The following SLMAP variants were observed in gnomAD, a reference collection of about 807,000 sequenced individuals.
The protein encoded by SLMAP is sarcolemma associated protein, also known as sarcolemmal membrane-associated protein.
SLMAP carries 44 observed loss-of-function variants against 128.8 expected under a neutral mutation model. The observed-to-expected ratio is 0.34, with a 90% CI of 0.27 to 0.44. The LOEUF (loss-of-function observed/expected upper bound fraction) is 0.44. SLMAP is among the 20% of genes least tolerant of loss of function. The pLI is 1.00. For synonymous variants in SLMAP, 327 were observed against 348.8 expected (o/e 0.94, Z 0.70); for missense variants, 787 against 985.3 (o/e 0.80, Z 2.69).
intron 4 of SLMAP, among the ~76,000 whole-genome samples, chr3:57,846,544 A>G (rs911338071): frequency 6.6e-6 from 1 of 151,836 alleles, no homozygotes; most frequent in African/African-American, 2.4e-5. Flanking sequence ...TTCAAAATTG[A>G]AAATGGATAA....
intron 17 of SLMAP, chr3:57,899,881 C>A (rs1172525701): frequency 6.6e-6 from 1 of 151,964 alleles, no homozygotes; most frequent in East Asian, 1.9e-4. Flanking sequence ...TTATCATAGC[C>A]CTTTATGGTC....
At chr3:57,817,826 G>T (rs1365457592) in intron 2 of SLMAP, among the ~76,000 whole-genome samples, 2 of 152,190 alleles carry the variant, frequency 1.3e-5, no homozygotes, top group African/African-American at 4.8e-5. Flanking sequence ...GTGGTAGCAG[G>T]TAGTGAATGA....
intron 2 of SLMAP, among the ~76,000 whole-genome samples, chr3:57,818,773 A>G (rs548683093): frequency 2.5e-4 from 38 of 152,376 alleles, no homozygotes; most frequent in African/African-American, 9.1e-4. Context: ...TCATACTTTC[A>G]TAAGCTTTGG....
At position 57,757,572 on chromosome 3, in the gene SLMAP, A is replaced by G. The variant is rs2077830254; in HGVS notation, c.-80A>G. ...TTAAAATTTTGGGTGGGATAGGGGC[A>G]TAGGCTTGTGAAGGGCAGTCCGGAT... On this transcript the variant is annotated 5_prime_UTR_variant, in exon 2 of 25. Transcript: ENST00000671191. 3 of 1,384,336 alleles carry G rather than the reference A, an allele frequency of 2.2e-6. No homozygotes were observed. Among genetic ancestry groups the G allele is most frequent in the African/African-American group, 1.4e-5 (1 of 69,924 alleles). The allele number at this position is 1,384,336 out of a possible 1,614,324, so 85.8% of individuals were successfully genotyped here. A position where few individuals can be genotyped will look rare whatever the true frequency, so the allele number is the denominator to read the frequency against.
intron 16 of SLMAP, 98 bp downstream of exon 16, chr3:57,896,689 A>G (rs550573138): frequency 2.3e-5 from 26 of 1,113,864 alleles, no homozygotes; most frequent in South Asian, 1.3e-4. Flanking sequence ...GTGTTTGGGG[A>G]AAAAAAAAAC....
intron 2 of SLMAP, among the ~76,000 whole-genome samples, chr3:57,778,262 T>C (rs1559950737): frequency 1.3e-5 from 2 of 152,122 alleles, no homozygotes; most frequent in Non-Finnish European, 1.5e-5. Flanking sequence ...GTTCTTGACT[T>C]TATTATAAAA....
chr3:57,864,201 C>T (rs944627378), intron 10 of SLMAP, among the ~76,000 whole-genome samples: 1 of 151,976 alleles, frequency 6.6e-6, no homozygotes, highest in South Asian at 2.1e-4. Flanking sequence ...TGAGGTCAGG[C>T]GTTCGAGACC....
At chr3:57,801,027 T>C (rs2153492592) in intron 2 of SLMAP, 1 of 237,820 alleles carries the variant, frequency 4.2e-6, no homozygotes, top group Non-Finnish European at 8.4e-6. Flanking sequence ...TCTACAAGAA[T>C]TTCTGGGACA....
At chr3:57,843,305 C>CTTTTTTTTTTTTTTTTTTTT in intron 4 of SLMAP, among the ~76,000 whole-genome samples, 14 of 92,110 alleles carry the variant, frequency 1.5e-4, no homozygotes, top group Non-Finnish European at 2.0e-4. Context: ...CTTTCTTTTC[C>CTTTTTTTTTTTTTTTTTTTT]TTTTTTTTTT....
At chr3:57,898,935 G>A (rs2096303213) in intron 17 of SLMAP, 1 of 152,158 alleles carries the variant, frequency 6.6e-6, no homozygotes, top group South Asian at 2.1e-4. Context: ...ATGAAAGGGT[G>A]TGCATGGACC....
rs1225210576 is a variant in SLMAP, at chr3:57,907,873, G to A, written c.1502-11G>A. On this transcript the variant is annotated splice_polypyrimidine_tract_variant and intron_variant, in intron 17 of 24. Transcript: ENST00000671191. ...TAACTCTTGCTTTTAAAATAAACAT[G>A]TTTTTGTCAGATGACTTGCAGGGTG... 6.2e-7 allele frequency: 1 copy of A among 1,611,854 alleles called. No individual in the cohort carries two copies. Among genetic ancestry groups the A allele is most frequent in the African/African-American group, 1.3e-5 (1 of 74,846 alleles).
chr3:57,927,140 C>CT (rs910704507), intron 24 of SLMAP, among the ~76,000 whole-genome samples, 156 bp from the exon 25 acceptor site: 7 of 144,970 alleles, frequency 4.8e-5, no homozygotes, highest in Non-Finnish European at 7.6e-5. Context: ...CACTCCCTCA[C>CT]TTTTTTTTTT....
At position 57,838,458 on chromosome 3, in the gene SLMAP, T is replaced by A. The variant is rs932286678; in HGVS notation, c.347-2841T>A. ...CTAAGCAGGCATGTTCCTCAACATC[T>A]TCAGTAAAATGCTTTCTGTACCAGA... On this transcript the variant is annotated intron_variant, in intron 3 of 24. Transcript: ENST00000671191. Among the ~76,000 whole-genome samples, 4 of 152,234 alleles carry A rather than the reference T, an allele frequency of 2.6e-5. No homozygotes were observed. In the East Asian group the frequency reaches 7.7e-4, roughly 29 times the overall value.
intron 3 of SLMAP, among the ~76,000 whole-genome samples, chr3:57,834,685 C>A (rs764371448): frequency 9.2e-5 from 14 of 151,884 alleles, no homozygotes; most frequent in Non-Finnish European, 1.8e-4. Context: ...TTAAGTAATT[C>A]CAAACATAAA....
At chr3:57,905,384 C>T (rs1215319326) in intron 17 of SLMAP, among the ~76,000 whole-genome samples, 2 of 151,974 alleles carry the variant, frequency 1.3e-5, no homozygotes, top group Non-Finnish European at 2.9e-5. Context: ...TGGGTTCAAG[C>T]GATTCTCCTG....
chr3:57,861,391 C>T (rs1439328146), intron 9 of SLMAP, among the ~76,000 whole-genome samples: 1 of 152,088 alleles, frequency 6.6e-6, no homozygotes, highest in African/African-American at 2.4e-5. Context: ...TGAACCACTG[C>T]AAAATTACCA....
chr3:57,907,975 A>G lies in SLMAP; in HGVS notation c.1593A>G (p.Arg531=). The G allele has an allele frequency of 6.2e-7, 1 of 1,613,922 alleles. No homozygotes were observed. The highest frequency in any genetic ancestry group is 8.5e-7 in the Non-Finnish European group (1 of 1,179,858). Residue 531 remains arginine, a synonymous_variant, in exon 18 of 25, where the codon AGA becomes AGG. Coordinates refer to ENST00000671191, the MANE Select transcript of SLMAP (RefSeq NM_001377540.1). ...KELIEAQELA[R]TSKQKCFELQ... is the part of the protein sequence containing the mutation. ...TGATCGAAGCCCAGGAGCTAGCTAG[A>G]ACAAGTAAACAAAAATGCTTTGAAC...
rs555452240 is a variant in SLMAP, at chr3:57,838,002, A to G, written c.347-3297A>G. 4.6e-5 allele frequency among the ~76,000 whole-genome samples: 7 copies of G among 152,286 alleles called. No homozygotes were observed. The East Asian group carries it at 1.2e-3, about 25-fold the overall frequency. On this transcript the variant is annotated intron_variant, in intron 3 of 24. Transcript: ENST00000671191. ...GCAGCAACTCTGTACTGCCCAGTCAATATTAGCCCTTGGTTCATCTCATAG... is the reference window on the plus strand; with the variant it reads ...GCAGCAACTCTGTACTGCCCAGTCAGTATTAGCCCTTGGTTCATCTCATAG...
At chr3:57,871,454 A>C (rs146227671) in intron 13 of SLMAP, among the ~76,000 whole-genome samples, 182 bp from the exon 14 acceptor site, 37 of 152,308 alleles carry the variant, frequency 2.4e-4, no homozygotes, top group Middle Eastern at 3.4e-3. Flanking sequence ...TCAGTGTACA[A>C]ATTAATAATA....
Sources: allele counts gnomAD v4.1 joint callset (sites outside exome capture counted in the v4.1 genomes callset), GRCh38; gene constraint gnomAD v4.1.1; transcripts MANE v1.5; gene names NCBI Gene and HGNC (gene_info 2026-07-23, HGNC 2026-07-21).